MARCHF1: variants seen among roughly 807,000 people sequenced by gnomAD.
The protein encoded by MARCHF1 is E3 ubiquitin-protein ligase MARCHF1.
In MARCHF1, 40 loss-of-function variants were observed where a neutral mutation model predicts 54.2. That is an observed-to-expected ratio of 0.74 (90% CI 0.57 to 0.96). The LOEUF is 0.96. MARCHF1 is among the 40% of genes least tolerant of loss of function. The probability of loss-of-function intolerance (pLI) is 0.00; values close to 1 mark genes in which losing one functional copy is unlikely to be tolerated. For synonymous variants in MARCHF1, 236 were observed against 236.3 expected (o/e 1.00, Z 0.01); for missense variants, 586 against 656.5 (o/e 0.89, Z 1.17).
intron 1 of MARCHF1, among the ~76,000 whole-genome samples, chr4:164,231,872 C>A (rs1051426965): frequency 2.6e-5 from 4 of 151,990 alleles, no homozygotes; most frequent in African/African-American, 9.7e-5. Context: ...TACTTTCAGG[C>A]CCTAATTACT....
At chr4:163,663,708 C>T (rs1743430818) in intron 5 of MARCHF1, among the ~76,000 whole-genome samples, 1 of 152,052 alleles carries the variant, frequency 6.6e-6, no homozygotes, top group Non-Finnish European at 1.5e-5. Context: ...GCTGTGTCCC[C>T]AGATCTCTTC....
intron 1 of MARCHF1, among the ~76,000 whole-genome samples, chr4:164,305,491 C>T (rs113740060): frequency 5.3e-4 from 81 of 152,200 alleles, no homozygotes; most frequent in South Asian, 3.5e-3. Context: ...TCCTAATTAA[C>T]AGCATGACCA....
At chr4:164,041,589 T>C (rs1754130200) in intron 2 of MARCHF1, among the ~76,000 whole-genome samples, 1 of 152,196 alleles carries the variant, frequency 6.6e-6, no homozygotes. Flanking sequence ...TGAAAATATT[T>C]AAATGCATGT....
chr4:164,209,459 G>A (rs1579625383), intron 1 of MARCHF1, among the ~76,000 whole-genome samples: 1 of 152,214 alleles, frequency 6.6e-6, no homozygotes, highest in Middle Eastern at 3.4e-3. Flanking sequence ...GCAATCTGGA[G>A]CACCCAACAA....
At chr4:164,083,494 T>A (rs1414425332) in intron 2 of MARCHF1, among the ~76,000 whole-genome samples, 4 of 152,048 alleles carry the variant, frequency 2.6e-5, no homozygotes, top group Non-Finnish European at 4.4e-5. Flanking sequence ...GGTCCCAATT[T>A]TTTTTTCCAT....
intron 8 of MARCHF1, among the ~76,000 whole-genome samples, chr4:163,577,716 A>G (rs1414943572): frequency 6.6e-6 from 1 of 152,000 alleles, no homozygotes; most frequent in Admixed American, 6.6e-5. Context: ...CAGGAATGCC[A>G]CTAATTTGTA....
intron 7 of MARCHF1, among the ~76,000 whole-genome samples, chr4:163,609,057 T>C (rs1741236837): frequency 6.6e-6 from 1 of 152,108 alleles, no homozygotes; most frequent in African/African-American, 2.4e-5. Flanking sequence ...CAGTGTTTAA[T>C]ATCTTTAGTA....
intron 8 of MARCHF1, among the ~76,000 whole-genome samples, chr4:163,567,316 T>C (rs754495256): frequency 2.0e-5 from 3 of 152,164 alleles, no homozygotes; most frequent in Non-Finnish European, 4.4e-5. Flanking sequence ...TTCAGAATGA[T>C]TGAAAAATGT....
rs1419279836 is a variant in MARCHF1 at position 163,670,281 on chromosome 4, G to T, written c.162+30532C>A. Among the ~76,000 whole-genome samples, 7 of 151,922 alleles carry T rather than the reference G, an allele frequency of 4.6e-5. No homozygotes were observed. In the East Asian group the frequency reaches 1.4e-3, roughly 29 times the overall value. On this transcript the variant is annotated intron_variant, in intron 5 of 9. Coordinates refer to ENST00000514618, the MANE Select transcript of MARCHF1 (RefSeq NM_001394959.1). ...AGAAGGGGCCATGGGGGGAGAGAGA[G>T]ATTTTTTTATATAATAAATATTTCT...
At chr4:163,908,365 A>G (rs568186306) in intron 3 of MARCHF1, among the ~76,000 whole-genome samples, 1 of 152,274 alleles carries the variant, frequency 6.6e-6, no homozygotes, top group Non-Finnish European at 1.5e-5. Context: ...AGAGAGAGAG[A>G]GGAGAAAAAG....
chr4:163,861,332 C>T (rs1001228684), intron 3 of MARCHF1, among the ~76,000 whole-genome samples: 6 of 152,044 alleles, frequency 3.9e-5, no homozygotes, highest in Admixed American at 2.6e-4. Flanking sequence ...AAATTTGTAA[C>T]ATATGTACAA....
At chr4:163,530,778 TCTAA>T (rs986024335) in intron 9 of MARCHF1, 2 of 151,926 alleles carry the variant, frequency 1.3e-5, no homozygotes, top group African/African-American at 2.4e-5. Context: ...GTAAATTTTT[TCTAA>T]CTAACTCCTA....
intron 1 of MARCHF1, among the ~76,000 whole-genome samples, chr4:164,319,873 C>T (rs1735094978): frequency 1.3e-5 from 2 of 151,844 alleles, no homozygotes; most frequent in Admixed American, 6.6e-5. Flanking sequence ...TTAAAATAAC[C>T]ACAGAGAATG....
At chr4:164,164,936 C>A (rs565826520) in intron 1 of MARCHF1, among the ~76,000 whole-genome samples, 1 of 151,986 alleles carries the variant, frequency 6.6e-6, no homozygotes, top group Non-Finnish European at 1.5e-5. Context: ...TAGAGGAAAG[C>A]ATCTAGAATC....
intron 1 of MARCHF1, among the ~76,000 whole-genome samples, chr4:164,248,848 AC>A (rs1280844136): frequency 6.6e-6 from 1 of 152,052 alleles, no homozygotes; most frequent in Non-Finnish European, 1.5e-5. Flanking sequence ...GATCAAAAAA[AC>A]ACTATACTGT....
intron 5 of MARCHF1, among the ~76,000 whole-genome samples, chr4:163,614,956 G>A (rs1741463993): frequency 6.6e-6 from 1 of 152,118 alleles, no homozygotes; most frequent in South Asian, 2.1e-4. Flanking sequence ...GTGGCATGGG[G>A]AAGCTTAAAA....
At chr4:164,203,301 G>C (rs1040870362) in intron 1 of MARCHF1, among the ~76,000 whole-genome samples, 1 of 152,124 alleles carries the variant, frequency 6.6e-6, no homozygotes, top group Non-Finnish European at 1.5e-5. Flanking sequence ...GTGTGTGGCT[G>C]TGTAGGAGAA....
At chr4:164,191,313 T>C (rs1273704646) in intron 1 of MARCHF1, among the ~76,000 whole-genome samples, 1 of 152,250 alleles carries the variant, frequency 6.6e-6, no homozygotes, top group Non-Finnish European at 1.5e-5. Flanking sequence ...GCATATTAAT[T>C]GATTACTACA....
In MARCHF1 at chr4:163,553,046, A is replaced by AAAG. The variant is rs1553991316; in HGVS notation, c.1192-7304_1192-7303insCTT. On this transcript the variant is annotated intron_variant, in intron 8 of 9. Transcript: ENST00000514618. ...AGACTCCGTCTCAAAAAAAAAAAAA[A>AAAG]AAAAAGAAGAATGAGCGCTCTGGGT... Among the ~76,000 whole-genome samples, 394 of 147,130 alleles carry AAAG rather than the reference A, an allele frequency of 2.7e-3. 9 individuals are homozygous for AAAG. The East Asian group carries it at 0.035, about 13-fold the overall frequency.
Sources: allele counts gnomAD v4.1 joint callset (sites outside exome capture counted in the v4.1 genomes callset), GRCh38; gene constraint gnomAD v4.1.1; transcripts MANE v1.5; gene names NCBI Gene and HGNC (gene_info 2026-07-23, HGNC 2026-07-21).